Variants in DOK6 observed in about 807,000 individuals in gnomAD.
The protein encoded by DOK6 is downstream of tyrosine kinase 6.
DOK6 carries 22 observed loss-of-function variants against 44.0 expected under a neutral mutation model. The observed-to-expected ratio is 0.50, with a 90% confidence interval of 0.36 to 0.71. The LOEUF is 0.71. DOK6 is among the 30% of genes least tolerant of loss of function. DOK6 has a pLI of 0.00. For missense variants in DOK6, 340 were observed against 416.4 expected, an observed-to-expected ratio of 0.82 and a Z score of 1.60; for synonymous variants, 166 against 145.5, an observed-to-expected ratio of 1.14 and a Z score of -1.01.
At chr18:69,722,204 G>A (rs1978289560) in intron 5 of DOK6, among the ~76,000 whole-genome samples, 1 of 152,144 alleles carries the variant, frequency 6.6e-6, no homozygotes, top group South Asian at 2.1e-4. Context: ...GGAGGAAAAG[G>A]ATGCTAATAC....
At chr18:69,553,731 T>C (rs1982621185) in intron 1 of DOK6, among the ~76,000 whole-genome samples, 1 of 152,152 alleles carries the variant, frequency 6.6e-6, no homozygotes, top group Non-Finnish European at 1.5e-5. Flanking sequence ...ACATACTCAC[T>C]CCAGACTCCA....
At chr18:69,600,890 T>C (rs1036839705) in intron 3 of DOK6, among the ~76,000 whole-genome samples, 2 of 152,210 alleles carry the variant, frequency 1.3e-5, no homozygotes, top group Admixed American at 1.3e-4. Context: ...GTTTAGTTAA[T>C]AACTTAATCA....
chr18:69,720,917 C>T (rs370028478), intron 5 of DOK6, among the ~76,000 whole-genome samples: 6 of 152,136 alleles, frequency 3.9e-5, no homozygotes, highest in East Asian at 3.9e-4. Context: ...ACAACCAGAA[C>T]GGAGGGAATT....
chr18:69,620,437 G>T (rs1395341327), intron 3 of DOK6, among the ~76,000 whole-genome samples: 1 of 152,084 alleles, frequency 6.6e-6, no homozygotes, highest in African/African-American at 2.4e-5. Context: ...TAATTACATG[G>T]TTCTTTTCCT....
At chr18:69,719,019 A>G (rs1986944926) in intron 5 of DOK6, among the ~76,000 whole-genome samples, 1 of 152,214 alleles carries the variant, frequency 6.6e-6, no homozygotes. Context: ...TAGAGCTGAA[A>G]TTGTTGGAAA....
intron 3 of DOK6, among the ~76,000 whole-genome samples, chr18:69,629,868 G>A (rs1413800914): frequency 6.6e-6 from 1 of 152,158 alleles, no homozygotes; most frequent in Non-Finnish European, 1.5e-5. Context: ...TCAGCTCACT[G>A]AAATTTCTGC....
At chr18:69,609,148 G>A (rs10439045) in intron 3 of DOK6, among the ~76,000 whole-genome samples, 84,388 of 151,944 alleles carry the variant, frequency 0.56, 24,148 homozygotes, top group South Asian at 0.74. Flanking sequence ...AAAACTTGGC[G>A]AATGGAAATT....
At chr18:69,645,698 T>C (rs1457422136) in intron 3 of DOK6, among the ~76,000 whole-genome samples, 1 of 152,072 alleles carries the variant, frequency 6.6e-6, no homozygotes, top group African/African-American at 2.4e-5. Context: ...AAAAAATGAA[T>C]ACTTAGGTCT....
chr18:69,572,690 G>A (rs1983142847), intron 2 of DOK6, among the ~76,000 whole-genome samples: 2 of 151,962 alleles, frequency 1.3e-5, no homozygotes, highest in African/African-American at 4.8e-5. Flanking sequence ...ACAGTAAAAG[G>A]TGAGAAATAA....
intron 7 of DOK6, among the ~76,000 whole-genome samples, chr18:69,823,633 G>A (rs1478120663): frequency 6.6e-6 from 1 of 151,048 alleles, no homozygotes; most frequent in African/African-American, 2.4e-5. Flanking sequence ...GTTTGTGTGT[G>A]TGTGTGTGTG....
At chr18:69,619,819 G>A (rs1984398352) in intron 3 of DOK6, among the ~76,000 whole-genome samples, 3 of 152,120 alleles carry the variant, frequency 2.0e-5, no homozygotes, top group Admixed American at 2.0e-4. Flanking sequence ...GAACATGTGT[G>A]TAAACATACA....
intron 5 of DOK6, among the ~76,000 whole-genome samples, chr18:69,699,964 A>G (rs1986476170): frequency 6.6e-6 from 1 of 152,068 alleles, no homozygotes; most frequent in South Asian, 2.1e-4. Context: ...AAGGAGAAAG[A>G]CACATCTCAC....
chr18:69,470,812 A>G (rs1357935748), intron 1 of DOK6, among the ~76,000 whole-genome samples: 2 of 152,138 alleles, frequency 1.3e-5, no homozygotes, highest in African/African-American at 4.8e-5. Context: ...TTCGCTCAAC[A>G]TGTGGTTGTT....
chr18:69,562,776 C>T (rs1222512848), intron 1 of DOK6, among the ~76,000 whole-genome samples: 1 of 152,116 alleles, frequency 6.6e-6, no homozygotes, highest in Non-Finnish European at 1.5e-5. Flanking sequence ...AAAGCAATGG[C>T]AACAAAAGCC....
At chr18:69,807,746 A>G (rs1276139377) in intron 7 of DOK6, among the ~76,000 whole-genome samples, 1 of 151,894 alleles carries the variant, frequency 6.6e-6, no homozygotes, top group African/African-American at 2.4e-5. Flanking sequence ...AGAGAATACA[A>G]TTGTAAACAT....
chr18:69,568,791 C>G (rs957923858), intron 2 of DOK6, among the ~76,000 whole-genome samples: 1 of 151,978 alleles, frequency 6.6e-6, no homozygotes, highest in Non-Finnish European at 1.5e-5. Flanking sequence ...AGCACAAACC[C>G]TATTGTGAAC....
chr18:69,670,846 TC>T (rs993997935), intron 3 of DOK6, among the ~76,000 whole-genome samples: 2 of 152,084 alleles, frequency 1.3e-5, no homozygotes, highest in African/African-American at 4.8e-5. Context: ...TTAAGAATTC[TC>T]CCCCAATGCT....
intron 3 of DOK6, among the ~76,000 whole-genome samples, chr18:69,622,177 T>G (rs1405144677): frequency 6.6e-6 from 1 of 152,202 alleles, no homozygotes; most frequent in Non-Finnish European, 1.5e-5. Flanking sequence ...CTGCTTATTG[T>G]GTTTTCCAGG....
intron 5 of DOK6, among the ~76,000 whole-genome samples, chr18:69,737,174 T>A (rs1978639086): frequency 1.3e-5 from 2 of 152,214 alleles, no homozygotes; most frequent in Non-Finnish European, 2.9e-5. Flanking sequence ...TTCACACTCC[T>A]ACAAAGAAAT....
Sources: gnomAD v4.1 joint callset for allele counts (sites outside exome capture counted in the v4.1 genomes callset) on GRCh38, gnomAD v4.1.1 for gene constraint, MANE v1.5 for transcripts, NCBI Gene and HGNC (gene_info 2026-07-23, HGNC 2026-07-21) for gene names.